USP24: variants seen among roughly 807,000 people sequenced by gnomAD.
USP24 encodes the protein ubiquitin carboxyl-terminal hydrolase 24.
In USP24, 97 loss-of-function variants were observed where a neutral mutation model predicts 361.6. The observed-to-expected ratio is 0.27, with a 90% confidence interval of 0.23 to 0.32. USP24 has a LOEUF of 0.32. Among genes scored for constraint, USP24 ranks in the 10% least tolerant of loss-of-function variants. The pLI is 1.00. For synonymous variants in USP24, 1,098 were observed against 1,124.6 expected (o/e 0.98, Z 0.47); for missense variants, 2,353 against 3,165.6 (o/e 0.74, Z 6.16).
chr1:55,181,367 C>A (rs898037390), intron 1 of USP24, among the ~76,000 whole-genome samples: 6 of 152,048 alleles, frequency 3.9e-5, no homozygotes, highest in African/African-American at 1.2e-4. Flanking sequence ...GAACTAAGTA[C>A]GCTTAGAATC....
At position 55,144,111 on chromosome 1, in the gene USP24, A is replaced by G. The variant is rs761435306; in HGVS notation, c.2439+16T>C. 5.0e-6 allele frequency: 8 copies of G among 1,584,308 alleles called. No homozygotes were observed. In the South Asian group the frequency reaches 7.0e-5, roughly 14 times the overall value. ...AGATTATCCAAACTATCTAGATTTGAGAATAACGTACTTACCAACTGAGCT... is the reference window on the plus strand; with the variant it reads ...AGATTATCCAAACTATCTAGATTTGGGAATAACGTACTTACCAACTGAGCT... On this transcript the variant is annotated intron_variant, in intron 21 of 67. Transcript: ENST00000294383.
intron 29 of USP24, 65 bp downstream of exon 29, chr1:55,134,263 A>G: frequency 6.4e-7 from 1 of 1,567,546 alleles, no homozygotes; most frequent in Non-Finnish European, 8.7e-7. Flanking sequence ...TCAAGTGAAA[A>G]GTTACTTGGC....
chr1:55,182,586 C>A (rs886454814), intron 1 of USP24, among the ~76,000 whole-genome samples: 1 of 151,956 alleles, frequency 6.6e-6, no homozygotes, highest in Non-Finnish European at 1.5e-5. Context: ...TAAGGGGGAG[C>A]AAGGGGGGAG....
intron 1 of USP24, among the ~76,000 whole-genome samples, chr1:55,201,478 G>A (rs1644572109): frequency 1.3e-5 from 2 of 151,910 alleles, no homozygotes; most frequent in South Asian, 2.1e-4. Context: ...GCAGGTGCCT[G>A]TAATCCCAGC....
intron 5 of USP24, among the ~76,000 whole-genome samples, chr1:55,170,425 T>C (rs891101204): frequency 1.3e-5 from 2 of 152,158 alleles, no homozygotes; most frequent in African/African-American, 4.8e-5. Flanking sequence ...TATTTGTCAC[T>C]TGATCTTCAC....
intron 55 of USP24, chr1:55,086,447 T>G (rs181474591): frequency 6.6e-5 from 12 of 182,792 alleles, no homozygotes; most frequent in Non-Finnish European, 1.2e-4. Flanking sequence ...TGGCACAGCA[T>G]ACAAGGGGCA....
chr1:55,084,724 C>CG (rs776426874), intron 56 of USP24, among the ~76,000 whole-genome samples: 2 of 152,016 alleles, frequency 1.3e-5, no homozygotes, highest in African/African-American at 4.8e-5. Context: ...TTTCCATTTA[C>CG]GGGGGGAGGG....
intron 39 of USP24, among the ~76,000 whole-genome samples, chr1:55,108,527 G>A (rs370142489): frequency 6.6e-6 from 1 of 152,184 alleles, no homozygotes; most frequent in Admixed American, 6.5e-5. Flanking sequence ...CTACACTGCA[G>A]GGTGCTGTGT....
intron 1 of USP24, among the ~76,000 whole-genome samples, chr1:55,180,619 C>T (rs1643938368): frequency 6.6e-6 from 1 of 152,218 alleles, no homozygotes; most frequent in South Asian, 2.1e-4. Flanking sequence ...GCCACTATTC[C>T]TGAACTCATC....
intron 1 of USP24, among the ~76,000 whole-genome samples, chr1:55,211,752 T>G (rs1025326659): frequency 3.9e-5 from 6 of 152,190 alleles, no homozygotes; most frequent in African/African-American, 1.4e-4. Context: ...AGAAAACCAT[T>G]GCTATCCCCA....
At chr1:55,142,576 T>C (rs1557626551) in intron 23 of USP24, among the ~76,000 whole-genome samples, 166 bp downstream of exon 23, 1 of 152,164 alleles carries the variant, frequency 6.6e-6, no homozygotes, top group African/African-American at 2.4e-5. Context: ...TACACTTATA[T>C]ACTGGGCAAA....
intron 44 of USP24, among the ~76,000 whole-genome samples, chr1:55,100,496 C>CAA (rs745622003): frequency 2.3e-5 from 2 of 88,306 alleles, no homozygotes; most frequent in East Asian, 2.8e-4. Flanking sequence ...AACTCCGTCT[C>CAA]AAAAAAAAAA....
intron 8 of USP24, 57 bp from the exon 9 acceptor site, chr1:55,159,742 G>A (rs1003057482): frequency 4.9e-6 from 7 of 1,425,710 alleles, no homozygotes; most frequent in Non-Finnish European, 6.8e-6. Context: ...AAAGTAGAGA[G>A]AGAATACTTC....
intron 1 of USP24, among the ~76,000 whole-genome samples, chr1:55,199,618 T>TGAGAGAGAGAGAGAGA (rs771516226): frequency 1.9e-5 from 2 of 105,434 alleles, no homozygotes; most frequent in African/African-American, 6.3e-5. Flanking sequence ...TGTGTGTGTG[T>TGAGAGAGAGAGAGAGA]GTGTGAGAGA....
At chr1:55,190,657 TA>T (rs1466436151) in intron 1 of USP24, among the ~76,000 whole-genome samples, 2 of 152,164 alleles carry the variant, frequency 1.3e-5, no homozygotes, top group African/African-American at 4.8e-5. Flanking sequence ...AAAACATATT[TA>T]TTGAGAGTGC....
At chr1:55,081,475 AT>A (rs1312838062) in intron 58 of USP24, 51 bp from the exon 59 acceptor site, 1 of 1,531,520 alleles carries the variant, frequency 6.5e-7, no homozygotes, top group African/African-American at 1.4e-5. Context: ...CAGAAATAAT[AT>A]GAAGAGGAAG....
chr1:55,132,487 A>G (rs1646620925), intron 31 of USP24, 58 bp downstream of exon 31: 1 of 1,518,318 alleles, frequency 6.6e-7, no homozygotes, highest in Admixed American at 2.0e-5. Context: ...TGAAAGCATG[A>G]ATCGATAAAT....
At chr1:55,182,502 T>A (rs528062972) in intron 1 of USP24, among the ~76,000 whole-genome samples, 1 of 152,184 alleles carries the variant, frequency 6.6e-6, no homozygotes, top group East Asian at 1.9e-4. Flanking sequence ...GGGATATCCA[T>A]CATTAATTTC....
chr1:55,175,116 A>G lies in USP24; in HGVS notation c.558+1260T>C, dbSNP rs183093729. On this transcript the variant is annotated intron_variant, in intron 3 of 67. Coordinates refer to ENST00000294383, the MANE Select transcript of USP24 (RefSeq NM_015306.3). ...GAAGCTACTTTTGCTTCTAAAATTA[A>G]TTATATATATATTTTTTAAGGCTTG... Among the ~76,000 whole-genome samples the G allele has an allele frequency of 4.0e-3, 613 of 151,826 alleles. 5 individuals are homozygous for G. The highest frequency in any genetic ancestry group is 0.013 in the African/African-American group (542 of 41,480).
Sources: allele counts gnomAD v4.1 joint callset (sites outside exome capture counted in the v4.1 genomes callset), GRCh38; gene constraint gnomAD v4.1.1; transcripts MANE v1.5; gene names NCBI Gene and HGNC (gene_info 2026-07-23, HGNC 2026-07-21).